ERBIN: variants seen among roughly 807,000 people sequenced by gnomAD.
The protein encoded by ERBIN is erbb2 interacting protein, also known as densin-180-like protein.
ERBIN carries 60 observed loss-of-function variants against 158.4 expected under a neutral mutation model. The observed-to-expected ratio is 0.38, with a 90% CI of 0.31 to 0.47. The LOEUF is 0.47. Ranked by LOEUF, ERBIN falls within the 20% of genes least tolerant of loss-of-function variation. ERBIN has a pLI of 0.99. For synonymous variants in ERBIN, 594 were observed against 557.2 expected (o/e 1.07, Z -0.93); for missense variants, 1,610 against 1,648.0 (o/e 0.98, Z 0.40).
chr5:66,028,856 A>G (rs1274524461), intron 14 of ERBIN, among the ~76,000 whole-genome samples: 1 of 152,150 alleles, frequency 6.6e-6, no homozygotes, highest in Non-Finnish European at 1.5e-5. Flanking sequence ...CTATGAGTTT[A>G]TCTTTTTTAG....
intron 14 of ERBIN, among the ~76,000 whole-genome samples, chr5:66,037,167 GTATGGAAATGTCA>G (rs1757476408): frequency 6.6e-6 from 1 of 152,080 alleles, no homozygotes. Flanking sequence ...GAAGCCAAAA[GTATGGAAATGTCA>G]TATGTGTTTT....
chr5:66,036,302 C>G (rs1757389173), intron 14 of ERBIN, among the ~76,000 whole-genome samples: 1 of 152,130 alleles, frequency 6.6e-6, no homozygotes, highest in African/African-American at 2.4e-5. Context: ...CAGCACTATC[C>G]TACTTAAAAC....
chr5:65,940,482 C>T (rs1231017119), intron 1 of ERBIN, among the ~76,000 whole-genome samples: 1 of 129,700 alleles, frequency 7.7e-6, no homozygotes, highest in South Asian at 2.5e-4. Context: ...TCAGTCCCCC[C>T]CCCCCCGGCC....
At chr5:66,062,371 G>T (rs1007566040) in intron 21 of ERBIN, among the ~76,000 whole-genome samples, 1 of 152,110 alleles carries the variant, frequency 6.6e-6, no homozygotes, top group Non-Finnish European at 1.5e-5. Context: ...CATAGTTCTC[G>T]TGCTGTGGTT....
rs988930106 is a variant in ERBIN, at chr5:66,025,849, T to A, written c.892T>A (p.Leu298Ile). ...LMYLPDSIGGLISVEELDCSF... is the reference protein window; with the variant it reads ...LMYLPDSIGGIISVEELDCSF... ...TATATTTCTTTTTTTAAATTAAAGG[T>A]TAATATCAGTAGAAGAACTGGATTG... is the stretch of plus-strand genomic sequence containing the variant. Residue 298 changes from leucine to isoleucine, a missense_variant and splice_region_variant, in exon 12 of 26, where the codon TTA becomes ATA. Transcript: ENST00000284037. 8.8e-6 allele frequency: 13 copies of A among 1,470,758 alleles called. No homozygotes were observed. The highest frequency in any genetic ancestry group is 9.1e-6 in the Non-Finnish European group (10 of 1,095,990). 91.1% of individuals were successfully genotyped at this position (1,470,758 alleles called of 1,614,324 possible). A position where few individuals can be genotyped will look rare whatever the true frequency, so the allele number is the denominator to read the frequency against.
chr5:66,021,757 A>G (rs1755712977), intron 8 of ERBIN, among the ~76,000 whole-genome samples: 1 of 152,158 alleles, frequency 6.6e-6, no homozygotes, highest in African/African-American at 2.4e-5. Flanking sequence ...TAACTTATTC[A>G]GTAATAAGAT....
intron 21 of ERBIN, among the ~76,000 whole-genome samples, chr5:66,065,611 G>C (rs1399262917): frequency 1.6e-5 from 1 of 61,702 alleles, no homozygotes; most frequent in Non-Finnish European, 2.7e-5. Flanking sequence ...GTGTGTGTGT[G>C]TGTGTGTGTG....
At chr5:65,985,402 T>G (rs1751115667) in intron 1 of ERBIN, among the ~76,000 whole-genome samples, 1 of 152,254 alleles carries the variant, frequency 6.6e-6, no homozygotes, top group Non-Finnish European at 1.5e-5. Flanking sequence ...ACATTTTGTT[T>G]AAGACAAAGA....
chr5:66,077,791 CACAT>C (rs1359235395), intron 25 of ERBIN, among the ~76,000 whole-genome samples: 20 of 131,134 alleles, frequency 1.5e-4, no homozygotes, highest in East Asian at 4.1e-4. Flanking sequence ...CACACACACA[CACAT>C]ACACACACAC....
chr5:66,022,147 A>C (rs1755765605), intron 8 of ERBIN, among the ~76,000 whole-genome samples: 1 of 152,080 alleles, frequency 6.6e-6, no homozygotes. Context: ...TAATATTATA[A>C]ATTTCAGCTG....
intron 4 of ERBIN, among the ~76,000 whole-genome samples, chr5:66,005,426 G>GAA: frequency 6.6e-6 from 1 of 152,094 alleles, no homozygotes; most frequent in Non-Finnish European, 1.5e-5. Flanking sequence ...TTAGTAAAGA[G>GAA]AAAAACTGTG....
At chr5:65,942,054 A>G (rs1451154443) in intron 1 of ERBIN, among the ~76,000 whole-genome samples, 1 of 152,138 alleles carries the variant, frequency 6.6e-6, no homozygotes, top group Non-Finnish European at 1.5e-5. Context: ...TTCTTGTAAT[A>G]TATTTAACAG....
At chr5:65,985,662 TTCTA>T (rs1484546048) in intron 1 of ERBIN, among the ~76,000 whole-genome samples, 2 of 152,236 alleles carry the variant, frequency 1.3e-5, no homozygotes, top group Admixed American at 6.5e-5. Context: ...ACTAGATTGT[TTCTA>T]TCTATCTGTC....
At chr5:66,006,414 A>C (rs1011095232) in intron 4 of ERBIN, among the ~76,000 whole-genome samples, 7 of 152,258 alleles carry the variant, frequency 4.6e-5, no homozygotes, top group African/African-American at 1.7e-4. Context: ...AAAGACTTAC[A>C]TGTTAGACCT....
rs902535787 is a variant in ERBIN at position 66,080,706 on chromosome 5, T to C, written c.*2176T>C. 5 of 152,048 alleles carry C rather than the reference T, an allele frequency of 3.3e-5. No individual in the cohort carries two copies. The highest frequency in any genetic ancestry group is 1.2e-4 in the African/African-American group (5 of 41,460). 9.4% of individuals were successfully genotyped at this position (152,048 alleles called of 1,614,324 possible). ...TTGAACCACATATACCAATTATAAT[T>C]TTGGAAAAGGAATTAAGCCTCACGG... On this transcript the variant is annotated 3_prime_UTR_variant, in exon 26 of 26. Coordinates refer to ENST00000284037, the MANE Select transcript of ERBIN (RefSeq NM_001253697.2).
At chr5:66,032,971 TA>T (rs1757041489) in intron 14 of ERBIN, among the ~76,000 whole-genome samples, 1 of 152,192 alleles carries the variant, frequency 6.6e-6, no homozygotes, top group Admixed American at 6.5e-5. Flanking sequence ...AAGTTCTAGT[TA>T]AACATGTTGA....
chr5:66,006,573 C>T (rs2151089066), intron 4 of ERBIN, among the ~76,000 whole-genome samples: 1 of 152,212 alleles, frequency 6.6e-6, no homozygotes, highest in East Asian at 1.9e-4. Context: ...AGCTTCTGCA[C>T]AGCAAAAGAA....
At chr5:66,021,436 AC>A in intron 8 of ERBIN, 51 bp downstream of exon 8, 1 of 1,276,214 alleles carries the variant, frequency 7.8e-7, no homozygotes, top group Non-Finnish European at 1.1e-6. Flanking sequence ...TTAATGAAGA[AC>A]AAAATATGAA....
intron 1 of ERBIN, among the ~76,000 whole-genome samples, chr5:65,939,845 A>G (rs1263572694): frequency 1.1e-4 from 17 of 151,902 alleles, no homozygotes; most frequent in African/African-American, 4.1e-4. Context: ...TGGTTCACTC[A>G]GTGCTCAATG....
Sources: gnomAD v4.1 joint callset for allele counts (sites outside exome capture counted in the v4.1 genomes callset) on GRCh38, gnomAD v4.1.1 for gene constraint, MANE v1.5 for transcripts, NCBI Gene and HGNC (gene_info 2026-07-23, HGNC 2026-07-21) for gene names.